The following CAPN5 variants were observed in gnomAD, a reference collection of about 807,000 sequenced individuals.
CAPN5 encodes calpain-5.
CAPN5 carries 54 observed loss-of-function variants against 73.0 expected under a neutral mutation model. That is an observed-to-expected ratio of 0.74 (90% confidence interval 0.59 to 0.93). The LOEUF is 0.93. Ranked by LOEUF, CAPN5 falls within the 40% of genes least tolerant of loss-of-function variation. CAPN5 has a pLI of 0.00. For synonymous variants in CAPN5, 335 were observed against 356.9 expected, an observed-to-expected ratio of 0.94 and a Z score of 0.69; for missense variants, 785 against 882.9, an observed-to-expected ratio of 0.89 and a Z score of 1.41.
Position 77,120,700 on chromosome 11 carries a change from C to T in CAPN5, c.1291-13C>T. ...GTGTCTCCGCGTGGCCCAGCCCCTC[C>T]CGCCTCCTGCAGGTGGAGGAGAACC... is the stretch of plus-strand genomic sequence containing the variant. On this transcript the variant is annotated splice_polypyrimidine_tract_variant and intron_variant, in intron 9 of 12. Coordinates refer to ENST00000648180, the MANE Select transcript of CAPN5 (RefSeq NM_004055.5). 1 of 1,590,968 alleles carries T rather than the reference C, an allele frequency of 6.3e-7. No individual in the cohort carries two copies. The highest frequency in any genetic ancestry group is 8.6e-7 in the Non-Finnish European group (1 of 1,166,814).
rs1591119231 is a variant in CAPN5 at position 77,087,091 on chromosome 11, G to A, written c.165+2040G>A. On this transcript the variant is annotated intron_variant, in intron 2 of 12. Transcript: ENST00000648180. ...CTGGTGTTCAGAGAGCTGTGTGAGT[G>A]GGGCCCAAGGGGCAGCAGTGATGGG... Among the ~76,000 whole-genome samples the A allele has an allele frequency of 4.6e-5, 7 of 152,350 alleles. No homozygotes were observed. The East Asian group carries it at 1.3e-3, about 29-fold the overall frequency.
At chr11:77,093,888 G>C (rs550441892) in intron 3 of CAPN5, 75 bp downstream of exon 3, 2 of 1,561,498 alleles carry the variant, frequency 1.3e-6, no homozygotes, top group East Asian at 4.6e-5. Flanking sequence ...CCAGACAGGC[G>C]GAACCTGATT....
At chr11:77,103,289 GC>G (rs1555039299) in intron 3 of CAPN5, 1 of 1,612,688 alleles carries the variant, frequency 6.2e-7, no homozygotes. Flanking sequence ...AGGGTGTGGA[GC>G]CCGCCAACCT....
chr11:77,114,026 T>C (rs1950440202), intron 4 of CAPN5, among the ~76,000 whole-genome samples: 1 of 152,032 alleles, frequency 6.6e-6, no homozygotes, highest in African/African-American at 2.4e-5. Flanking sequence ...CAGCTGATTT[T>C]TTAAGATTGA....
intron 1 of CAPN5, 69 bp downstream of exon 1, chr11:77,067,163 G>A (rs1410769598): frequency 1.3e-5 from 2 of 152,224 alleles, no homozygotes; most frequent in African/African-American, 2.4e-5. Context: ...GGGGGTGTGT[G>A]CGGGTGCAGC....
At chr11:77,106,491 GA>G (rs1950350059) in intron 3 of CAPN5, among the ~76,000 whole-genome samples, 1 of 152,094 alleles carries the variant, frequency 6.6e-6, no homozygotes, top group African/African-American at 2.4e-5. Context: ...TCTGTGCCCA[GA>G]GAGGCAGCTA....
chr11:77,099,670 T>C, intron 3 of CAPN5, among the ~76,000 whole-genome samples: 1 of 146,748 alleles, frequency 6.8e-6, no homozygotes, highest in African/African-American at 2.5e-5. Context: ...ATGGCAGCAG[T>C]ACAGTCCAGC....
At chr11:77,118,447 C>A in intron 8 of CAPN5, 95 bp downstream of exon 8, 2 of 1,077,864 alleles carry the variant, frequency 1.9e-6, no homozygotes, top group Admixed American at 2.5e-5. Flanking sequence ...CTTGGGTAAT[C>A]CCTGTCCTTC....
At chr11:77,108,676 C>T (rs1235243643) in intron 3 of CAPN5, among the ~76,000 whole-genome samples, 2 of 151,612 alleles carry the variant, frequency 1.3e-5, no homozygotes, top group Admixed American at 6.6e-5. Flanking sequence ...GCACTTTGCC[C>T]AGACAGCATC....
At chr11:77,109,997 T>C (rs1200272200) in intron 3 of CAPN5, among the ~76,000 whole-genome samples, 1 of 152,170 alleles carries the variant, frequency 6.6e-6, no homozygotes, top group Admixed American at 6.5e-5. Flanking sequence ...GCCAGGCCTG[T>C]GTTCTCAGCT....
intron 5 of CAPN5, 63 bp downstream of exon 5, chr11:77,114,497 G>A: frequency 7.1e-7 from 1 of 1,403,794 alleles, no homozygotes; most frequent in Non-Finnish European, 1.0e-6. Flanking sequence ...TGAGATGGGA[G>A]ACAACTGTGA....
At chr11:77,106,706 G>T (rs1555039943) in intron 3 of CAPN5, among the ~76,000 whole-genome samples, 1 of 152,226 alleles carries the variant, frequency 6.6e-6, no homozygotes, top group African/African-American at 2.4e-5. Context: ...GTTTGCCCAT[G>T]GTTACTGCCC....
rs1950573749 is a variant in CAPN5 at position 77,126,036 on chromosome 11, T to G, written c.*2166T>G. 6.6e-6 allele frequency: 1 copy of G among 152,196 alleles called. No individual in the cohort carries two copies. The highest frequency in any genetic ancestry group is 2.4e-5 in the African/African-American group (1 of 41,418). 9.4% of individuals were successfully genotyped at this position (152,196 alleles called of 1,614,324 possible). A position where few individuals can be genotyped will look rare whatever the true frequency, so the allele number is the denominator to read the frequency against. The stretch of plus-strand genomic sequence containing the variant: ...GGGCCTGGGAGTCCCCATTTGCAGG[T>G]GGGTAGGGCCTCCAGCCCACACCAC... On this transcript the variant is annotated 3_prime_UTR_variant, in exon 13 of 13. Transcript: ENST00000648180.
rs781819838 is a variant in CAPN5, at chr11:77,123,860, T to C, written c.1913T>C (p.Met638Thr). ...AVHILSSTSL[M>T]AV ...CACATTCTCAGCAGCACCTCCCTCA[T>C]GGCTGTCTGACACCTGCCCACCTAC... The change falls in exon 13 of 13, where the codon ATG becomes ACG. Residue 638 changes from methionine to threonine, a missense_variant. Coordinates refer to ENST00000648180, the MANE Select transcript of CAPN5 (RefSeq NM_004055.5). 1 of 1,613,104 alleles carries C rather than the reference T, an allele frequency of 6.2e-7. No homozygotes were observed. Among genetic ancestry groups the C allele is most frequent in the East Asian group, 2.2e-5 (1 of 44,884 alleles).
intron 2 of CAPN5, chr11:77,087,925 G>A: frequency 6.5e-7 from 1 of 1,536,026 alleles, no homozygotes; most frequent in South Asian, 1.2e-5. Context: ...GGCTCGCTAT[G>A]TTTTTGTTCT....
chr11:77,076,837 A>G (rs1427304881), intron 1 of CAPN5, among the ~76,000 whole-genome samples: 1 of 152,146 alleles, frequency 6.6e-6, no homozygotes, highest in Non-Finnish European at 1.5e-5. Context: ...GGGAGTGCAG[A>G]TATGTTTTCA....
At chr11:77,086,449 C>T (rs1555035558) in intron 2 of CAPN5, among the ~76,000 whole-genome samples, 1 of 152,166 alleles carries the variant, frequency 6.6e-6, no homozygotes, top group African/African-American at 2.4e-5. Context: ...CCCCACCTTC[C>T]TGGCACCAGA....
intron 11 of CAPN5, 96 bp downstream of exon 11, chr11:77,122,145 C>A: frequency 1.4e-6 from 1 of 689,782 alleles, no homozygotes; most frequent in Non-Finnish European, 2.4e-6. Context: ...CTCTCCTGCT[C>A]TCAGAGGCAC....
chr11:77,121,427 A>T (rs4944142), intron 10 of CAPN5, among the ~76,000 whole-genome samples: 19,128 of 152,306 alleles, frequency 0.13, 1,759 homozygotes, highest in African/African-American at 0.25. Context: ...ACTGTGATAC[A>T]CAGCCCAGGC....
Sources: allele counts gnomAD v4.1 joint callset (sites outside exome capture counted in the v4.1 genomes callset), GRCh38; gene constraint gnomAD v4.1.1; transcripts MANE v1.5; gene names NCBI Gene and HGNC (gene_info 2026-07-23, HGNC 2026-07-21).